Variants in NSUN2 observed in about 807,000 individuals in gnomAD.
NSUN2 encodes the protein RNA cytosine C(5)-methyltransferase NSUN2.
Under a neutral mutation model 92.7 loss-of-function variants are expected in NSUN2, and 63 were observed. The observed-to-expected ratio is 0.68, with a 90% confidence interval of 0.56 to 0.84. NSUN2 has a LOEUF of 0.84. Among genes scored for constraint, NSUN2 ranks in the 40% least tolerant of loss-of-function variants. NSUN2 has a pLI of 0.00. For synonymous variants in NSUN2, 356 were observed against 348.3 expected, an observed-to-expected ratio of 1.02 and a Z score of -0.25; for missense variants, 989 against 964.9, an observed-to-expected ratio of 1.02 and a Z score of -0.33.
At chr5:6,609,597 T>C (rs1049037295) in intron 12 of NSUN2, among the ~76,000 whole-genome samples, 49 of 152,230 alleles carry the variant, frequency 3.2e-4, no homozygotes, top group African/African-American at 1.2e-3. Flanking sequence ...GTGGCAGGAA[T>C]ACATTCCCCC....
chr5:6,620,003 A>C, intron 7 of NSUN2, 103 bp downstream of exon 7: 1 of 993,908 alleles, frequency 1.0e-6, no homozygotes, highest in Non-Finnish European at 1.5e-6. Flanking sequence ...GCACCCCAAG[A>C]CTTATGTACA....
chr5:6,613,710 G>A (rs891093716), intron 9 of NSUN2, among the ~76,000 whole-genome samples: 8 of 152,146 alleles, frequency 5.3e-5, no homozygotes, highest in African/African-American at 1.9e-4. Context: ...ATAAAGGTGC[G>A]ATTTTGGCCT....
chr5:6,599,981 T>C lies in NSUN2; in HGVS notation c.2249A>G (p.Asn750Ser), dbSNP rs774666562. 3.7e-6 allele frequency: 6 copies of C among 1,614,204 alleles called. No individual in the cohort carries two copies. Among genetic ancestry groups the C allele is most frequent in the Admixed American group, 3.3e-5 (2 of 60,034 alleles). Residue 750 changes from asparagine (N) to serine (S), a missense_variant, in exon 19 of 19, where the codon AAC (asparagine) becomes AGC (serine). Physicochemically the swap from Asn to Ser is conservative, Grantham distance 46. Transcript: ENST00000264670. Reference protein sequence around the residue: ...EPNSPDAEEANSPDVTAGCDP... With the variant: ...EPNSPDAEEASSPDVTAGCDP... ...ACAGCCTGCTGTCACGTCTGGACTGTTGGCCTCTTCTGCATCTGGGCTGTT... is the reference window on the plus strand; with the variant it reads ...ACAGCCTGCTGTCACGTCTGGACTGCTGGCCTCTTCTGCATCTGGGCTGTT...
intron 8 of NSUN2, 39 bp from the exon 9 acceptor site, chr5:6,616,896 T>C: frequency 6.3e-7 from 1 of 1,591,874 alleles, no homozygotes; most frequent in Non-Finnish European, 8.6e-7. Flanking sequence ...GCCAAATGTA[T>C]CCATGAAGTG....
intron 3 of NSUN2, 61 bp downstream of exon 3, chr5:6,631,812 T>C (rs372865647): frequency 8.1e-7 from 1 of 1,237,032 alleles, no homozygotes; most frequent in Non-Finnish European, 1.2e-6. Flanking sequence ...AGAAATATAA[T>C]TCAAGTGATA....
chr5:6,612,220 G>A (rs1175597140), intron 9 of NSUN2, among the ~76,000 whole-genome samples: 2 of 152,238 alleles, frequency 1.3e-5, no homozygotes, highest in Non-Finnish European at 2.9e-5. Context: ...AACTCCGCAA[G>A]AAGACAACCA....
rs535223035 is a variant in NSUN2, at chr5:6,599,842, T to C, written c.*84A>G. 6 of 1,225,808 alleles carry C rather than the reference T, an allele frequency of 4.9e-6. No individual in the cohort carries two copies. Among genetic ancestry groups the C allele is most frequent in the African/African-American group, 1.5e-5 (1 of 67,272 alleles). 75.9% of individuals were successfully genotyped at this position (1,225,808 alleles called of 1,614,324 possible). Reference sequence around the variant, plus strand: ...ATATGCTTTACAGGCCACAGGCTGCTCTGGATTTGGTTTCAGACACCAGTG... The same window carrying C: ...ATATGCTTTACAGGCCACAGGCTGCCCTGGATTTGGTTTCAGACACCAGTG... On this transcript the variant is annotated 3_prime_UTR_variant, in exon 19 of 19. Coordinates refer to ENST00000264670, the MANE Select transcript of NSUN2 (RefSeq NM_017755.6).
intron 7 of NSUN2, among the ~76,000 whole-genome samples, chr5:6,618,761 A>G (rs779418147): frequency 2.0e-5 from 3 of 152,272 alleles, no homozygotes; most frequent in East Asian, 3.9e-4. Context: ...AGCTCTTTCC[A>G]TGTATATTTT....
At chr5:6,631,788 C>G in intron 3 of NSUN2, 85 bp downstream of exon 3, 1 of 1,013,016 alleles carries the variant, frequency 9.9e-7, no homozygotes, top group South Asian at 1.4e-5. Flanking sequence ...TCTTTAACAG[C>G]AAATGCAGTA....
At chr5:6,609,351 C>T (rs1315497689) in intron 12 of NSUN2, among the ~76,000 whole-genome samples, 1 of 152,222 alleles carries the variant, frequency 6.6e-6, no homozygotes, top group African/African-American at 2.4e-5. Context: ...AGTTTAGATC[C>T]ATAGCAAACA....
At chr5:6,604,494 C>T in intron 16 of NSUN2, 111 bp downstream of exon 16, 1 of 1,058,914 alleles carries the variant, frequency 9.4e-7, no homozygotes, top group Non-Finnish European at 1.4e-6. Context: ...CTGGTAGGTG[C>T]CAGCCAAGCC....
intron 14 of NSUN2, among the ~76,000 whole-genome samples, chr5:6,606,347 G>A (rs1314364182): frequency 2.6e-5 from 4 of 152,054 alleles, no homozygotes; most frequent in South Asian, 2.1e-4. Context: ...GCAGCGGCGC[G>A]ATCTCGGCTC....
At chr5:6,621,653 C>G (rs189725159) in intron 6 of NSUN2, 32 of 162,272 alleles carry the variant, frequency 2.0e-4, no homozygotes, top group Admixed American at 3.2e-4. Context: ...GAGGCTGAGG[C>G]AGGAGAATGG....
In NSUN2 at chr5:6,633,030, G is replaced by A; in HGVS notation, c.-51C>T. The A allele has an allele frequency of 5.0e-6, 7 of 1,404,078 alleles. No individual in the cohort carries two copies. The highest frequency in any genetic ancestry group is 6.4e-6 in the Non-Finnish European group (7 of 1,087,480). 87.0% of individuals were successfully genotyped at this position (1,404,078 alleles called of 1,614,324 possible). ...CGCAGAAACCGGCCCGCCACGGCCA[G>A]AACTCTAGCCCTACACCTCCCGGGA... On this transcript the variant is annotated 5_prime_UTR_variant, in exon 1 of 19. Transcript: ENST00000264670.
chr5:6,605,200 T>C, intron 15 of NSUN2, 73 bp downstream of exon 15: 4 of 1,581,744 alleles, frequency 2.5e-6, no homozygotes, highest in Admixed American at 3.5e-5. Flanking sequence ...CTGCTCCAAA[T>C]GAAATCTAAG....
intron 7 of NSUN2, among the ~76,000 whole-genome samples, chr5:6,619,239 A>G (rs1202405605): frequency 6.6e-6 from 1 of 152,214 alleles, no homozygotes; most frequent in Non-Finnish European, 1.5e-5. Flanking sequence ...GATTATTTTA[A>G]CACTCAGCTA....
chr5:6,620,383 A>G (rs1389221503), intron 6 of NSUN2, 85 bp from the exon 7 acceptor site: 44 of 1,021,982 alleles, frequency 4.3e-5, no homozygotes, highest in Non-Finnish European at 5.7e-5. Flanking sequence ...AAGGTCAGCC[A>G]GTGAGAAGCA....
At chr5:6,621,596 A>C (rs1294367091) in intron 6 of NSUN2, 1 of 154,698 alleles carries the variant, frequency 6.5e-6, no homozygotes, top group Non-Finnish European at 1.4e-5. Flanking sequence ...AAAATACAAA[A>C]AATTACCCGG....
At chr5:6,632,800 C>T (rs747934370) in intron 1 of NSUN2, 44 bp from the exon 2 acceptor site, 2 of 1,589,100 alleles carry the variant, frequency 1.3e-6, no homozygotes, top group Non-Finnish European at 1.7e-6. Flanking sequence ...CAAGGAGCCG[C>T]CCCCTCGCCG....
Sources: allele counts gnomAD v4.1 joint callset (sites outside exome capture counted in the v4.1 genomes callset), GRCh38; gene constraint gnomAD v4.1.1; transcripts MANE v1.5; gene names NCBI Gene and HGNC (gene_info 2026-07-23, HGNC 2026-07-21).